The following PLA1A variants were observed in gnomAD, a reference collection of about 807,000 sequenced individuals.
The protein encoded by PLA1A is phosphatidylserine-specific phospholipase A1alpha.
Under a neutral mutation model 49.4 loss-of-function variants are expected in PLA1A, and 47 were observed. That is an observed-to-expected ratio of 0.95 (90% CI 0.75 to 1.21). The LOEUF (loss-of-function observed/expected upper bound fraction) is 1.21, where lower values mean the gene tolerates loss of function less well. PLA1A is among the 50% of genes most tolerant of loss of function. The probability of loss-of-function intolerance (pLI) is 0.00; values close to 1 mark genes in which losing one functional copy is unlikely to be tolerated. For missense variants in PLA1A, 561 were observed against 563.9 expected, an observed-to-expected ratio of 0.99 and a Z score of 0.05; for synonymous variants, 224 against 207.9, an observed-to-expected ratio of 1.08 and a Z score of -0.67.
chr3:119,599,009 AGT>A (rs2082578747), intron 1 of PLA1A, among the ~76,000 whole-genome samples: 2 of 152,120 alleles, frequency 1.3e-5, no homozygotes, highest in South Asian at 2.1e-4. Context: ...CTTTTAGCAT[AGT>A]TAGTGCTGTG....
chr3:119,604,670 C>G (rs1047400969), intron 1 of PLA1A, among the ~76,000 whole-genome samples: 1 of 152,112 alleles, frequency 6.6e-6, no homozygotes. Context: ...TACCACTGAA[C>G]TGTACACTTA....
At chr3:119,627,059 G>C (rs565214748) in intron 9 of PLA1A, among the ~76,000 whole-genome samples, 136 of 152,156 alleles carry the variant, frequency 8.9e-4, no homozygotes, top group African/African-American at 3.2e-3. Flanking sequence ...CCCCAACCCA[G>C]ACCAATCACA....
At chr3:119,601,021 G>A (rs543629234) in intron 1 of PLA1A, among the ~76,000 whole-genome samples, 17 of 152,222 alleles carry the variant, frequency 1.1e-4, no homozygotes, top group Non-Finnish European at 2.4e-4. Flanking sequence ...GTCTTCCCGA[G>A]GAGCCTGGAG....
chr3:119,607,084 A>G (rs1171072627), intron 2 of PLA1A, 109 bp downstream of exon 2: 5 of 845,694 alleles, frequency 5.9e-6, no homozygotes, highest in East Asian at 2.4e-5. Flanking sequence ...ACCAATGGCC[A>G]CATGTTCCAT....
At chr3:119,616,768 T>C (rs1185063883) in intron 6 of PLA1A, among the ~76,000 whole-genome samples, 2 of 152,290 alleles carry the variant, frequency 1.3e-5, no homozygotes. Flanking sequence ...TTACTAGTTT[T>C]CCAAAAACAT....
chr3:119,618,995 C>T (rs2082891498), intron 7 of PLA1A, among the ~76,000 whole-genome samples: 1 of 152,224 alleles, frequency 6.6e-6, no homozygotes, highest in Admixed American at 6.5e-5. Flanking sequence ...CCCCTAGATG[C>T]CATGGACCCA....
At position 119,628,699 on chromosome 3, in the gene PLA1A, A is replaced by G; in HGVS notation, c.1122-2A>G. On this transcript the variant is annotated splice_acceptor_variant, in intron 9 of 10. Transcript: ENST00000273371. LOFTEE classifies it high-confidence loss of function. ...TACTTTCCCTTTACCCTTTTCTTGC[A>G]GACCTAAGCAGCAACGCTATGGGAA... is the stretch of plus-strand genomic sequence containing the variant. The G allele has an allele frequency of 6.2e-7, 1 of 1,613,950 alleles. No homozygotes were observed. Among genetic ancestry groups the G allele is most frequent in the Non-Finnish European group, 8.5e-7 (1 of 1,179,834 alleles).
chr3:119,624,077 C>G (rs938504242), intron 8 of PLA1A, among the ~76,000 whole-genome samples: 10 of 152,174 alleles, frequency 6.6e-5, no homozygotes, highest in Non-Finnish European at 1.3e-4. Context: ...TACTATGACA[C>G]AGTACCTGAG....
At chr3:119,623,723 T>C (rs868480359) in intron 8 of PLA1A, among the ~76,000 whole-genome samples, 19,680 of 136,392 alleles carry the variant, frequency 0.14, 1,111 homozygotes, top group East Asian at 0.4. Flanking sequence ...CTTTCTTTTT[T>C]TTTTTTTTTT....
Position 119,597,951 on chromosome 3 carries a change from G to C in PLA1A, c.38G>C (p.Gly13Ala), listed in dbSNP as rs554573820. 5.0e-6 allele frequency: 8 copies of C among 1,610,898 alleles called. No homozygotes were observed. In the South Asian group the frequency reaches 8.9e-5, roughly 18 times the overall value. Residue 13 changes from glycine to alanine, a missense_variant, in exon 1 of 11, where the codon GGG becomes GCG. Transcript: ENST00000273371. ...PGPWESCFWV[G>A]GLILWLSVGS... is the part of the protein sequence containing the mutation. ...CCCTGGGAGAGCTGCTTCTGGGTGG[G>C]GGGCCTCATTTTGTGGCTCAGCGTT...
intron 8 of PLA1A, among the ~76,000 whole-genome samples, chr3:119,621,455 C>T (rs1389944994): frequency 2.0e-5 from 3 of 152,174 alleles, no homozygotes; most frequent in Non-Finnish European, 4.4e-5. Context: ...GGGGTAGGGA[C>T]CAGCAGCTCT....
At chr3:119,612,490 G>C (rs2082779050) in intron 4 of PLA1A, among the ~76,000 whole-genome samples, 1 of 142,148 alleles carries the variant, frequency 7.0e-6, no homozygotes, top group Non-Finnish European at 1.5e-5. Flanking sequence ...TGTTATCAAG[G>C]TCATCTTTTT....
rs1043339244 is a variant in PLA1A at position 119,599,326 on chromosome 3, G to A, written c.73+1340G>A. Among the ~76,000 whole-genome samples the A allele has an allele frequency of 3.3e-5, 5 of 152,146 alleles. No homozygotes were observed. The South Asian group carries it at 1.0e-3, about 32-fold the overall frequency. ...TAGCAAATTGTTGTCTAGGCTGATGGAAGTGGAGGGAACAGGGCTGTCATG... is the reference window on the plus strand; with the variant it reads ...TAGCAAATTGTTGTCTAGGCTGATGAAAGTGGAGGGAACAGGGCTGTCATG... On this transcript the variant is annotated intron_variant, in intron 1 of 10. Transcript: ENST00000273371.
rs79674332 is a variant in PLA1A at position 119,599,117 on chromosome 3, G to C, written c.73+1131G>C. Among the ~76,000 whole-genome samples, 994 of 152,180 alleles carry C rather than the reference G, an allele frequency of 6.5e-3. 5 individuals are homozygous for C. The highest frequency in any genetic ancestry group is 0.012 in the Non-Finnish European group (815 of 67,994). On this transcript the variant is annotated intron_variant, in intron 1 of 10. Transcript: ENST00000273371. Reference sequence around the variant, plus strand: ...ATGGGGAATAGGCTCTGTCTGGGTCGGGCTAACCCAGACTGGAATCCTGGC... The same window carrying C: ...ATGGGGAATAGGCTCTGTCTGGGTCCGGCTAACCCAGACTGGAATCCTGGC...
chr3:119,618,192 G>C lies in PLA1A; in HGVS notation c.922+6G>C, dbSNP rs764748501. On this transcript the variant is annotated splice_donor_region_variant and intron_variant, in intron 7 of 10. Transcript: ENST00000273371. ...GCTTTCCTGCCCAAGGATAGGTAAA[G>C]TGCTACCCCTTTGACTTCCTTTGAC... The C allele has an allele frequency of 6.2e-6, 10 of 1,606,700 alleles. No individual in the cohort carries two copies. In the South Asian group the frequency reaches 1.1e-4, roughly 18 times the overall value.
chr3:119,613,608 TCCGGG>T (rs2082799723), intron 5 of PLA1A, among the ~76,000 whole-genome samples: 1 of 152,122 alleles, frequency 6.6e-6, no homozygotes, highest in Non-Finnish European at 1.5e-5. Flanking sequence ...GAATCTCTCT[TCCGGG>T]CCGGGCACGG....
Position 119,606,824 on chromosome 3 carries a change from A to C in PLA1A, c.124A>C (p.Asn42His). The stretch of plus-strand genomic sequence containing the variant: ...AAAGTGCGCTGACTTCCAGAGCGCC[A>C]ACCTTTTTGAAGGCACCGATCTCAA... The part of the protein sequence containing the change: ...QPKCADFQSA[N>H]LFEGTDLKVQ... The change falls in exon 2 of 11, where the codon AAC (asparagine) becomes CAC (histidine). Residue 42 changes from asparagine to histidine, a missense_variant. Asn to His is a moderately conservative substitution (Grantham distance 68). Transcript: ENST00000273371. 1 of 1,614,166 alleles carries C rather than the reference A, an allele frequency of 6.2e-7. No individual in the cohort carries two copies. Among genetic ancestry groups the C allele is most frequent in the Non-Finnish European group, 8.5e-7 (1 of 1,180,032 alleles).
intron 1 of PLA1A, chr3:119,600,184 A>G: frequency 1.8e-6 from 1 of 563,618 alleles, no homozygotes; most frequent in East Asian, 2.8e-5. Context: ...ACACAAGGGC[A>G]GTAGCTGACC....
Position 119,628,863 on chromosome 3 carries a change from C to G in PLA1A, c.1284C>G (p.Asp428Glu). 1 of 1,613,208 alleles carries G rather than the reference C, an allele frequency of 6.2e-7. No homozygotes were observed. Among genetic ancestry groups the G allele is most frequent in the Non-Finnish European group, 8.5e-7 (1 of 1,179,218 alleles). ...KFCTALLPVN[D>E]REKMVCLPEP... is the part of the protein sequence containing the mutation. ...GCACTGCCCTTTTGCCTGTCAATGA[C>G]AGGTAAGCCCCAGTATTCACCTCTG... Residue 428 changes from aspartate (D) to glutamate (E), a missense_variant and splice_region_variant, in exon 10 of 11, where the codon GAC becomes GAG. Coordinates refer to ENST00000273371, the MANE Select transcript of PLA1A (RefSeq NM_015900.4).
Sources: gnomAD v4.1 joint callset for allele counts (sites outside exome capture counted in the v4.1 genomes callset) on GRCh38, gnomAD v4.1.1 for gene constraint, MANE v1.5 for transcripts, NCBI Gene and HGNC (gene_info 2026-07-23, HGNC 2026-07-21) for gene names.